The following MAPT variants were observed in gnomAD, a reference collection of about 807,000 sequenced individuals.
MAPT encodes microtubule associated protein tau, also known as microtubule-associated protein tau.
Under a neutral mutation model 67.9 loss-of-function variants are expected in MAPT, and 34 were observed. That is an observed-to-expected ratio of 0.50 (90% CI 0.38 to 0.67). The LOEUF is 0.67. MAPT is among the 30% of genes least tolerant of loss of function. The probability of loss-of-function intolerance (pLI) is 0.00; values close to 1 mark genes in which losing one functional copy is unlikely to be tolerated. For missense variants in MAPT, 881 were observed against 1,115.2 expected (o/e 0.79, Z 2.99); for synonymous variants, 456 against 464.5 (o/e 0.98, Z 0.23).
In MAPT at chr17:45,971,513, C is replaced by T. The variant is rs1417259119; in HGVS notation, c.134-346C>T. On this transcript the variant is annotated intron_variant, in intron 2 of 12. Transcript: ENST00000262410. The surrounding 1 kb of genome is among the most constrained non-coding windows in gnomAD (Gnocchi z 4.3). Reference sequence around the variant, plus strand: ...GCAATGACAAAGCAGAAGGTTCATGCGTAGCTCGGCTTTCTGGTATTTGCT... The same window carrying T: ...GCAATGACAAAGCAGAAGGTTCATGTGTAGCTCGGCTTTCTGGTATTTGCT... Among the ~76,000 whole-genome samples, 5 of 152,332 alleles carry T rather than the reference C, an allele frequency of 3.3e-5. No homozygotes were observed. The East Asian group carries it at 5.8e-4, about 18-fold the overall frequency.
At chr17:46,012,633 C>G (rs1424770869) in intron 10 of MAPT, among the ~76,000 whole-genome samples, 2 of 152,142 alleles carry the variant, frequency 1.3e-5, no homozygotes, top group Non-Finnish European at 2.9e-5. Context: ...TGGCTGGACC[C>G]TGGAAGCTCT....
intron 1 of MAPT, among the ~76,000 whole-genome samples, chr17:45,903,944 AATAT>A (rs2063878571): frequency 6.6e-5 from 1 of 15,064 alleles, no homozygotes; most frequent in Non-Finnish European, 1.2e-4. Context: ...ATTTATATAT[AATAT>A]ATATTATATA....
intron 1 of MAPT, among the ~76,000 whole-genome samples, chr17:45,941,725 T>TCCTTCCTG (rs1568208394): frequency 9.7e-5 from 12 of 123,436 alleles, no homozygotes; most frequent in South Asian, 5.4e-4. Context: ...CTTCCTTCCT[T>TCCTTCCTG]CCTTCCTTCC....
intron 10 of MAPT, among the ~76,000 whole-genome samples, chr17:46,012,861 C>A (rs571617321): frequency 3.9e-5 from 6 of 152,040 alleles, no homozygotes; most frequent in Non-Finnish European, 4.4e-5. Flanking sequence ...TGGTCCACCC[C>A]CTCAGTGCTG....
rs2065095508 is a variant in MAPT, at chr17:45,915,198, G to C, written c.-18+20512G>C. On this transcript the variant is annotated intron_variant, in intron 1 of 12. Transcript: ENST00000262410. The surrounding 1 kb of genome is among the most constrained non-coding windows in gnomAD (Gnocchi z 4.4). Reference sequence around the variant, plus strand: ...CCTAACCCTGTCATGTTAGAGACTGGAGTGCGTGTGTGTGCGCGCAAAGTG... The same window carrying C: ...CCTAACCCTGTCATGTTAGAGACTGCAGTGCGTGTGTGTGCGCGCAAAGTG... 6.6e-6 allele frequency among the ~76,000 whole-genome samples: 1 copy of C among 152,130 alleles called. No individual in the cohort carries two copies. Among genetic ancestry groups the C allele is most frequent in the Non-Finnish European group, 1.5e-5 (1 of 68,032 alleles).
At position 45,948,574 on chromosome 17, in the gene MAPT, A is replaced by C. The variant is rs1202104397; in HGVS notation, c.-17-13747A>C. Among the ~76,000 whole-genome samples the C allele has an allele frequency of 4.6e-5, 7 of 152,180 alleles. No individual in the cohort carries two copies. The East Asian group carries it at 1.3e-3, about 29-fold the overall frequency. ...GCTGTTACCAGTCACTGCTTGATTTAATCTCGGCTATCACTTGGCCTGACA... is the reference window on the plus strand; with the variant it reads ...GCTGTTACCAGTCACTGCTTGATTTCATCTCGGCTATCACTTGGCCTGACA... On this transcript the variant is annotated intron_variant, in intron 1 of 12. Transcript: ENST00000262410.
chr17:45,983,584 A>G lies in MAPT; in HGVS notation c.1005A>G (p.Pro335=). The G allele has an allele frequency of 6.2e-7, 1 of 1,613,152 alleles. No individual in the cohort carries two copies. The highest frequency in any genetic ancestry group is 1.3e-5 in the African/African-American group (1 of 75,024). ...AREATSIPGF[P]AEGAIPLPVD... is the part of the protein sequence containing the mutation. ...AAGCCACCAGCATCCCAGGCTTCCC[A>G]GCGGAGGGTGCCATCCCCCTCCCTG... The change falls in exon 5 of 13, where the codon CCA becomes CCG. Residue 335 remains proline, a synonymous_variant. Transcript: ENST00000262410.
intron 1 of MAPT, among the ~76,000 whole-genome samples, chr17:45,946,625 T>A (rs199776724): frequency 2.9e-4 from 33 of 113,238 alleles, no homozygotes; most frequent in African/African-American, 6.2e-4. Flanking sequence ...AATATATATA[T>A]ATATATATAT....
At chr17:45,990,943 A>G (rs2074010446) in intron 7 of MAPT, among the ~76,000 whole-genome samples, 1 of 152,138 alleles carries the variant, frequency 6.6e-6, no homozygotes, top group Admixed American at 6.5e-5. Context: ...AGCACACCCA[A>G]GGAGTTCTTG....
chr17:45,903,945 ATATATATTATATAT>A (rs1221751926), intron 1 of MAPT, among the ~76,000 whole-genome samples: 7 of 16,894 alleles, frequency 4.1e-4, no homozygotes, highest in African/African-American at 1.2e-3. Context: ...TTTATATATA[ATATATATTATATAT>A]TATATATTAT....
At chr17:45,946,105 CA>C (rs2068448651) in intron 1 of MAPT, among the ~76,000 whole-genome samples, 1 of 151,962 alleles carries the variant, frequency 6.6e-6, no homozygotes, top group Admixed American at 6.5e-5. Flanking sequence ...CCAAGAAAGA[CA>C]GTTTTTTTTG....
intron 2 of MAPT, among the ~76,000 whole-genome samples, chr17:45,963,864 C>T (rs1462324500): frequency 6.6e-6 from 1 of 152,096 alleles, no homozygotes; most frequent in African/African-American, 2.4e-5. Flanking sequence ...TTTCAGATTT[C>T]TATCTGTTGA....
intron 6 of MAPT, among the ~76,000 whole-genome samples, chr17:45,987,298 T>G (rs1280663649): frequency 6.6e-6 from 1 of 152,198 alleles, no homozygotes; most frequent in African/African-American, 2.4e-5. Flanking sequence ...GGAAGAGCAG[T>G]TGGCAGGTTC....
chr17:45,903,773 A>T (rs1248479840), intron 1 of MAPT, among the ~76,000 whole-genome samples: 1 of 83,902 alleles, frequency 1.2e-5, no homozygotes, highest in Non-Finnish European at 2.4e-5. Flanking sequence ...TATATATATA[A>T]TATATATTAA....
intron 1 of MAPT, among the ~76,000 whole-genome samples, chr17:45,914,873 C>G (rs2065067090): frequency 6.6e-6 from 1 of 151,728 alleles, no homozygotes; most frequent in Admixed American, 6.6e-5. Flanking sequence ...GGCACGCATA[C>G]CACCGTGCCC....
rs367938337 is a variant in MAPT, at chr17:45,989,992, C to A, written c.1522C>A (p.Pro508Thr). ...LIQPSSPAVCPEPPSSPKYVS... is the reference protein window; with the variant it reads ...LIQPSSPAVCTEPPSSPKYVS... ...CCAACCCTCCAGCCCTGCTGTGTGC[C>A]CAGAGCCACCTTCCTCTCCTAAATA... Residue 508 changes from proline (P) to threonine (T), a missense_variant, in exon 7 of 13, where the codon CCA (proline) becomes ACA (threonine). Coordinates refer to ENST00000262410, the MANE Select transcript of MAPT (RefSeq NM_001377265.1). The A allele has an allele frequency of 6.2e-7, 1 of 1,614,038 alleles. No individual in the cohort carries two copies. Among genetic ancestry groups the A allele is most frequent in the African/African-American group, 1.3e-5 (1 of 74,924 alleles).
chr17:45,923,625 C>T (rs2065973357), intron 1 of MAPT, among the ~76,000 whole-genome samples: 1 of 152,252 alleles, frequency 6.6e-6, no homozygotes, highest in South Asian at 2.1e-4. Context: ...ATCAGCTTTG[C>T]ATGCGACCTT....
intron 12 of MAPT, among the ~76,000 whole-genome samples, chr17:46,023,324 A>G (rs962025374): frequency 6.6e-6 from 1 of 152,234 alleles, no homozygotes; most frequent in African/African-American, 2.4e-5. Flanking sequence ...CTACACATCC[A>G]TCCACAGAGG....
intron 1 of MAPT, among the ~76,000 whole-genome samples, chr17:45,944,949 T>A (rs1355347960): frequency 6.6e-6 from 1 of 152,128 alleles, no homozygotes; most frequent in Non-Finnish European, 1.5e-5. Flanking sequence ...GCAAATCACC[T>A]CTCGCCAGAC....
Sources: gnomAD v4.1 joint callset for allele counts (sites outside exome capture counted in the v4.1 genomes callset) on GRCh38, gnomAD v4.1.1 for gene constraint, Gnocchi (gnomAD v3.1) non-coding constraint, MANE v1.5 for transcripts, NCBI Gene and HGNC (gene_info 2026-07-23, HGNC 2026-07-21) for gene names.